The following SORBS2 variants were observed in gnomAD, a reference collection of about 807,000 sequenced individuals.
SORBS2 encodes sorbin and SH3 domain containing 2, also known as sorbin and SH3 domain-containing protein 2.
SORBS2 carries 46 observed loss-of-function variants against 97.7 expected under a neutral mutation model. The ratio of observed to expected loss-of-function variants is 0.47; its 90% confidence interval spans 0.37 to 0.60. SORBS2 has a LOEUF of 0.60. Among genes scored for constraint, SORBS2 ranks in the 20% least tolerant of loss-of-function variants. The probability of loss-of-function intolerance (pLI) is 0.00; values close to 1 mark genes in which losing one functional copy is unlikely to be tolerated. For missense variants in SORBS2, 1,316 were observed against 1,282.3 expected (o/e 1.03, Z -0.40); for synonymous variants, 476 against 473.4 (o/e 1.01, Z -0.07).
At chr4:185,742,013 C>G (rs994425151) in intron 2 of SORBS2, among the ~76,000 whole-genome samples, 1 of 152,196 alleles carries the variant, frequency 6.6e-6, no homozygotes, top group Admixed American at 6.5e-5. Context: ...CCTCCCCATC[C>G]GCTGATTTGC....
At chr4:185,949,082 A>G (rs568032641) in intron 1 of SORBS2, among the ~76,000 whole-genome samples, 12 of 152,144 alleles carry the variant, frequency 7.9e-5, no homozygotes, top group Admixed American at 6.5e-4. Flanking sequence ...TCCAGGAAAC[A>G]GGAGGGGGGT....
At chr4:185,682,984 G>A (rs1582649969) in intron 2 of SORBS2, among the ~76,000 whole-genome samples, 1 of 145,842 alleles carries the variant, frequency 6.9e-6, no homozygotes, top group Non-Finnish European at 1.5e-5. Flanking sequence ...CAGCACTGCA[G>A]CCTGGGCACA....
At chr4:185,688,473 G>A (rs1026513242) in intron 2 of SORBS2, among the ~76,000 whole-genome samples, 10 of 149,090 alleles carry the variant, frequency 6.7e-5, no homozygotes, top group African/African-American at 2.5e-4. Context: ...TATATTATCT[G>A]CATTATCTAT....
intron 1 of SORBS2, among the ~76,000 whole-genome samples, chr4:185,836,810 A>G (rs1273413702): frequency 6.6e-6 from 1 of 152,228 alleles, no homozygotes; most frequent in African/African-American, 2.4e-5. Context: ...TTAAAAGTGT[A>G]GAGACAAAGA....
At chr4:185,859,440 C>T (rs1399926776) in intron 1 of SORBS2, among the ~76,000 whole-genome samples, 1 of 152,154 alleles carries the variant, frequency 6.6e-6, no homozygotes, top group East Asian at 1.9e-4. Context: ...TGCAGTTCCT[C>T]AAAGTGCTGG....
In SORBS2 at chr4:185,751,172, T is replaced by TAAAAAAAAAAAAAAAAAAAA. The variant is rs71593649; in HGVS notation, c.-198+24054_-198+24055insTTTTTTTTTTTTTTTTTTTT. Among the ~76,000 whole-genome samples the TAAAAAAAAAAAAAAAAAAAA allele has an allele frequency of 2.0e-3, 63 of 31,602 alleles. 7 individuals carry two copies. The highest frequency in any genetic ancestry group is 3.4e-3 in the South Asian group (2 of 586). 20.7% of individuals were successfully genotyped at this position (31,602 alleles called of 152,430 possible). A position where few individuals can be genotyped will look rare whatever the true frequency, so the allele number is the denominator to read the frequency against. On this transcript the variant is annotated intron_variant, in intron 2 of 20. Transcript: ENST00000284776. ...AAGGAATGCTCTTAGCTCTAAATAC[T>TAAAAAAAAAAAAAAAAAAAA]AAAAAAAAAAAAAAAAAAAGAGAAA...
chr4:185,818,494 T>C (rs773490913), intron 1 of SORBS2, among the ~76,000 whole-genome samples: 2 of 152,124 alleles, frequency 1.3e-5, no homozygotes, highest in Non-Finnish European at 2.9e-5. Context: ...CAGCAGCCTA[T>C]ATTTTTAAAA....
At chr4:185,824,618 T>G (rs1001417478) in intron 1 of SORBS2, among the ~76,000 whole-genome samples, 1 of 152,140 alleles carries the variant, frequency 6.6e-6, no homozygotes, top group Non-Finnish European at 1.5e-5. Flanking sequence ...CTGAACTCAA[T>G]TCATACATCG....
At chr4:185,856,540 C>T (rs1049478395) in intron 1 of SORBS2, among the ~76,000 whole-genome samples, 2 of 152,102 alleles carry the variant, frequency 1.3e-5, no homozygotes, top group Admixed American at 6.6e-5. Context: ...AGCATTAAAG[C>T]ATCTCCAGTA....
chr4:185,902,066 T>A lies in SORBS2; in HGVS notation c.-338+54130A>T, dbSNP rs554540413. Among the ~76,000 whole-genome samples the A allele has an allele frequency of 3.3e-5, 5 of 152,312 alleles. No individual in the cohort carries two copies. In the South Asian group the frequency reaches 1.0e-3, roughly 32 times the overall value. On this transcript the variant is annotated intron_variant, in intron 1 of 20. Coordinates refer to the SORBS2 transcript ENST00000284776. ...AAGTAGATTATTGATAAATCAGAAC[T>A]ATTACTTGATTAGTTTGTTCTCTTC...
chr4:185,818,910 A>G (rs2099195011), intron 1 of SORBS2, among the ~76,000 whole-genome samples: 1 of 152,170 alleles, frequency 6.6e-6, no homozygotes, highest in African/African-American at 2.4e-5. Flanking sequence ...CTATAGGCAT[A>G]AAGGTAGATT....
At chr4:185,792,564 G>A (rs967502568) in intron 1 of SORBS2, among the ~76,000 whole-genome samples, 5 of 151,872 alleles carry the variant, frequency 3.3e-5, no homozygotes, top group African/African-American at 1.2e-4. Context: ...GGAAGGGGAG[G>A]AGGGAAGGAA....
upstream of SORBS2, chr4:185,657,476 T>C (rs1405743002): frequency 6.4e-7 from 1 of 1,567,040 alleles, no homozygotes; most frequent in Non-Finnish European, 8.6e-7. Context: ...GATCCCTGGG[T>C]AATGCGGGGC....
intron 1 of SORBS2, among the ~76,000 whole-genome samples, chr4:185,882,823 T>C (rs2099237533): frequency 6.6e-6 from 1 of 152,180 alleles, no homozygotes; most frequent in Admixed American, 6.5e-5. Context: ...CAAGAAAGGA[T>C]AGTTTTTTCA....
At chr4:185,628,631 C>T (rs192007825) in intron 5 of SORBS2, among the ~76,000 whole-genome samples, 7 of 152,250 alleles carry the variant, frequency 4.6e-5, no homozygotes, top group Admixed American at 2.0e-4. Flanking sequence ...TGCCTGTAGT[C>T]CCAGCTATTC....
At chr4:185,849,473 C>T (rs1265539017) in intron 1 of SORBS2, among the ~76,000 whole-genome samples, 2 of 44,952 alleles carry the variant, frequency 4.4e-5, no homozygotes, top group Admixed American at 6.8e-4. Flanking sequence ...CTCTCCCTGC[C>T]ATTTTTTTTT....
At chr4:185,878,171 A>C (rs913698923) in intron 1 of SORBS2, among the ~76,000 whole-genome samples, 12 of 152,204 alleles carry the variant, frequency 7.9e-5, no homozygotes, top group African/African-American at 2.9e-4. Context: ...ATTCTAGCTA[A>C]AGAGAAACTG....
At chr4:185,668,811 A>G (rs576671429) in intron 4 of SORBS2, among the ~76,000 whole-genome samples, 19 of 152,304 alleles carry the variant, frequency 1.2e-4, no homozygotes, top group African/African-American at 4.1e-4. Context: ...TTTCAAGACC[A>G]TGGAAGGCTA....
intron 12 of SORBS2, among the ~76,000 whole-genome samples, chr4:185,601,884 G>GAAA (rs2096269942): frequency 6.6e-6 from 1 of 152,188 alleles, no homozygotes; most frequent in South Asian, 2.1e-4. Flanking sequence ...TTACTTGGAA[G>GAAA]AAACCTAAAA....
Sources: allele counts gnomAD v4.1 joint callset (sites outside exome capture counted in the v4.1 genomes callset), GRCh38; gene constraint gnomAD v4.1.1; transcripts MANE v1.5; gene names NCBI Gene and HGNC (gene_info 2026-07-23, HGNC 2026-07-21).